The following SDK2 variants were observed in gnomAD, a reference collection of about 807,000 sequenced individuals.
SDK2 encodes the protein protein sidekick-2.
Under a neutral mutation model 253.9 loss-of-function variants are expected in SDK2, and 105 were observed. The ratio of observed to expected loss-of-function variants is 0.41; its 90% CI spans 0.35 to 0.49. The LOEUF is 0.49. SDK2 is among the 20% of genes least tolerant of loss of function. The probability of loss-of-function intolerance (pLI) is 0.06; values close to 1 mark genes in which losing one functional copy is unlikely to be tolerated. For synonymous variants in SDK2, 1,249 were observed against 1,234.9 expected, an observed-to-expected ratio of 1.01 and a Z score of -0.24; for missense variants, 2,608 against 3,003.0, an observed-to-expected ratio of 0.87 and a Z score of 3.07.
intron 1 of SDK2, among the ~76,000 whole-genome samples, chr17:73,597,577 C>T (rs910597504): frequency 6.6e-6 from 1 of 152,144 alleles, no homozygotes; most frequent in African/African-American, 2.4e-5. Flanking sequence ...ATCCTGCCCC[C>T]AGCCCACCGC....
intron 4 of SDK2, among the ~76,000 whole-genome samples, chr17:73,448,585 C>T (rs373870917): frequency 5.3e-5 from 8 of 151,872 alleles, no homozygotes; most frequent in South Asian, 2.1e-4. Flanking sequence ...AGGATGGTCT[C>T]GATCTCCTGA....
chr17:73,472,633 G>A (rs2063660706), intron 2 of SDK2, among the ~76,000 whole-genome samples: 2 of 152,208 alleles, frequency 1.3e-5, no homozygotes, highest in African/African-American at 4.8e-5. Context: ...GGATGGAGGT[G>A]ACAGAGACAG....
At chr17:73,638,088 G>GCCC (rs1234302830) in intron 1 of SDK2, among the ~76,000 whole-genome samples, 1 of 152,246 alleles carries the variant, frequency 6.6e-6, no homozygotes, top group Non-Finnish European at 1.5e-5. Context: ...ATGGCATGGG[G>GCCC]TGTGCTGGAT....
intron 44 of SDK2, among the ~76,000 whole-genome samples, chr17:73,341,732 G>A (rs1236890532): frequency 6.6e-6 from 1 of 152,184 alleles, no homozygotes; most frequent in African/African-American, 2.4e-5. Context: ...CAGGAACTCG[G>A]AGTCCTTCAT....
In SDK2 at chr17:73,358,153, A is replaced by G; in HGVS notation, c.5519T>C (p.Ile1840Thr). The change falls in exon 40 of 45, where the codon ATC (isoleucine) becomes ACC (threonine). Residue 1840 changes from isoleucine to threonine, a missense_variant. Transcript: ENST00000392650. ...VPIIVRYSSAIAIHWSSGDPG... is the reference protein window; with the variant it reads ...VPIIVRYSSATAIHWSSGDPG... The stretch of plus-strand genomic sequence containing the variant: ...GTCTCCGCTGGACCAGTGAATGGCG[A>G]TGGCAGAGCTGTACCGCACGATGAT... 1.2e-6 allele frequency: 2 copies of G among 1,613,090 alleles called. No homozygotes were observed. Among genetic ancestry groups the G allele is most frequent in the East Asian group, 4.5e-5 (2 of 44,866 alleles).
chr17:73,580,445 T>G (rs926225780), intron 1 of SDK2, among the ~76,000 whole-genome samples: 3 of 152,230 alleles, frequency 2.0e-5, no homozygotes, highest in African/African-American at 7.2e-5. Flanking sequence ...TGTTGCCCCC[T>G]CGCAGGGACA....
At chr17:73,494,149 C>T (rs959600680) in intron 2 of SDK2, among the ~76,000 whole-genome samples, 3 of 152,222 alleles carry the variant, frequency 2.0e-5, no homozygotes, top group African/African-American at 7.2e-5. Context: ...TGCCTCTGAT[C>T]ACGCCAGGAT....
At chr17:73,522,441 G>A (rs903793006) in intron 1 of SDK2, among the ~76,000 whole-genome samples, 5 of 152,204 alleles carry the variant, frequency 3.3e-5, no homozygotes, top group South Asian at 2.1e-4. Context: ...AGGGCCAGGC[G>A]GCAGGCCCCC....
intron 10 of SDK2, among the ~76,000 whole-genome samples, chr17:73,432,311 G>C (rs1352523600): frequency 1.3e-5 from 2 of 152,084 alleles, no homozygotes; most frequent in Non-Finnish European, 2.9e-5. Context: ...GAGTGAGCCT[G>C]GGAATGCAGG....
intron 27 of SDK2, among the ~76,000 whole-genome samples, chr17:73,393,075 G>T (rs1383185709): frequency 2.0e-5 from 3 of 151,554 alleles, no homozygotes; most frequent in Non-Finnish European, 4.4e-5. Context: ...TGAAACCCCA[G>T]CTCTACTAAA....
At chr17:73,452,443 C>T (rs1475699864) in intron 4 of SDK2, among the ~76,000 whole-genome samples, 3 of 151,930 alleles carry the variant, frequency 2.0e-5, no homozygotes, top group East Asian at 1.9e-4. Context: ...AGGAATATTG[C>T]GGTGGTGTGC....
intron 1 of SDK2, among the ~76,000 whole-genome samples, chr17:73,532,876 C>T (rs143487217): frequency 6.6e-5 from 10 of 152,196 alleles, no homozygotes; most frequent in Non-Finnish European, 1.5e-4. Flanking sequence ...TCACAGGCTT[C>T]CCAGGGGCAG....
rs143559900 is a variant in SDK2, at chr17:73,513,101, A to G, written c.65-5504T>C. On this transcript the variant is annotated intron_variant, in intron 1 of 44. Coordinates refer to ENST00000392650, the MANE Select transcript of SDK2 (RefSeq NM_001144952.2). ...TACTATGCAAGCTCCAAAAGGTCATAAAACAGATTGATACCTTCAACTACA... is the reference window on the plus strand; with the variant it reads ...TACTATGCAAGCTCCAAAAGGTCATGAAACAGATTGATACCTTCAACTACA... Among the ~76,000 whole-genome samples the G allele has an allele frequency of 8.2e-3, 1,246 of 152,098 alleles. 16 individuals carry two copies. The highest frequency in any genetic ancestry group is 0.029 in the African/African-American group (1,197 of 41,438).
At position 73,445,611 on chromosome 17, in the gene SDK2, G is replaced by A. The variant is rs186129577; in HGVS notation, c.613+2004C>T. Among the ~76,000 whole-genome samples the A allele has an allele frequency of 3.1e-3, 475 of 152,218 alleles. 3 individuals are homozygous for A. The highest frequency in any genetic ancestry group is 0.01 in the Middle Eastern group (3 of 294). On this transcript the variant is annotated intron_variant, in intron 5 of 44. Transcript: ENST00000392650. ...TGGAGGAAGCGGTGCGGAGGGGAGA[G>A]CAGACGGAGGGGTGAGGCCCAGGAG...
intron 2 of SDK2, among the ~76,000 whole-genome samples, chr17:73,483,372 G>A (rs1413659155): frequency 7.0e-6 from 1 of 142,978 alleles, no homozygotes; most frequent in African/African-American, 2.6e-5. Flanking sequence ...AAGTGCAGTG[G>A]CGCGATCTCG....
chr17:73,594,920 C>A (rs2045733750), intron 1 of SDK2, among the ~76,000 whole-genome samples: 1 of 152,044 alleles, frequency 6.6e-6, no homozygotes, highest in Admixed American at 6.6e-5. Context: ...ACAGCACACA[C>A]CTGCACACAG....
At chr17:73,556,166 C>G (rs895235397) in intron 1 of SDK2, among the ~76,000 whole-genome samples, 3 of 152,164 alleles carry the variant, frequency 2.0e-5, no homozygotes, top group Non-Finnish European at 4.4e-5. Flanking sequence ...CCCCAGACAT[C>G]GGGAATGGAG....
At position 73,352,269 on chromosome 17, in the gene SDK2, A is replaced by T. The variant is rs1365506051; in HGVS notation, c.5758+204T>A. ...TTGAAAGGGAGCCCCAAAGATGAAG[A>T]TCCCTAGTTTCCTCTGGTCTTGAGG... On this transcript the variant is annotated intron_variant, in intron 41 of 44. Coordinates refer to ENST00000392650, the MANE Select transcript of SDK2 (RefSeq NM_001144952.2). This position sits in a 1 kb window ranked among gnomAD's most constrained non-coding sequence, Gnocchi z 4.1. Among the ~76,000 whole-genome samples the T allele has an allele frequency of 6.6e-6, 1 of 152,094 alleles. No individual in the cohort carries two copies. Among genetic ancestry groups the T allele is most frequent in the Non-Finnish European group, 1.5e-5 (1 of 68,014 alleles).
At chr17:73,634,520 T>C (rs2046306976) in intron 1 of SDK2, among the ~76,000 whole-genome samples, 1 of 152,212 alleles carries the variant, frequency 6.6e-6, no homozygotes, top group South Asian at 2.1e-4. Flanking sequence ...ATCCAATAAA[T>C]ACATTCACCT....
Sources: gnomAD v4.1 joint callset for allele counts (sites outside exome capture counted in the v4.1 genomes callset) on GRCh38, gnomAD v4.1.1 for gene constraint, Gnocchi (gnomAD v3.1) non-coding constraint, MANE v1.5 for transcripts, NCBI Gene and HGNC (gene_info 2026-07-23, HGNC 2026-07-21) for gene names.